The following CLCN5 variants were observed in gnomAD, a reference collection of about 807,000 sequenced individuals.
The protein encoded by CLCN5 is Cl-/H+ antiporter 5.
Under a neutral mutation model 54.0 loss-of-function variants are expected in CLCN5, and 17 were observed. That is an observed-to-expected ratio of 0.31 (90% CI 0.22 to 0.47). CLCN5 has a LOEUF of 0.47. CLCN5 is among the 20% of genes least tolerant of loss of function. The pLI is 1.00. For missense variants in CLCN5, 448 were observed against 646.7 expected, an observed-to-expected ratio of 0.69 and a Z score of 3.33; for synonymous variants, 222 against 233.0, an observed-to-expected ratio of 0.95 and a Z score of 0.43.
chrX:49,935,852 G>C, intron 3 of CLCN5, among the ~76,000 whole-genome samples: 1 of 110,616 alleles, frequency 9.0e-6, no homozygotes, highest in East Asian at 2.9e-4. Context: ...GGCCACACAG[G>C]GTTTTATAGG....
chrX:49,946,394 G>A (rs781935046), intron 3 of CLCN5, among the ~76,000 whole-genome samples: 3 of 111,123 alleles, frequency 2.7e-5, no homozygotes, highest in Non-Finnish European at 3.8e-5. Context: ...CAGGCTCGGG[G>A]TTCTCTTCCA....
chrX:49,969,533 A>G (rs1928095525), intron 3 of CLCN5, among the ~76,000 whole-genome samples: 1 of 112,646 alleles, frequency 8.9e-6, no homozygotes, highest in African/African-American at 3.2e-5. Flanking sequence ...TGGGTTATTA[A>G]GAAGCATGTT....
intron 9 of CLCN5, among the ~76,000 whole-genome samples, chrX:50,083,844 G>A (rs1933796038): frequency 8.9e-6 from 1 of 112,142 alleles, no homozygotes; most frequent in African/African-American, 3.2e-5. Flanking sequence ...AGAGTGAAGT[G>A]GTGATTGTTG....
intron 7 of CLCN5, among the ~76,000 whole-genome samples, chrX:50,078,853 C>T (rs1451571288): frequency 8.9e-6 from 1 of 112,133 alleles, no homozygotes; most frequent in Non-Finnish European, 1.9e-5. Context: ...GACGGAGTCT[C>T]ACTCTGTCAC....
chrX:49,941,920 CTTTTTTTTT>C lies in CLCN5; in HGVS notation c.16+16621_16+16629del, dbSNP rs782574821. On this transcript the variant is annotated intron_variant, in intron 3 of 14. Transcript: ENST00000376091. ...ATGATATATCTTTCTCAATCAGTAT[CTTTTTTTTT>C]TTTTTTTTTTTTTTGCAGGAGAATG... Among the ~76,000 whole-genome samples, 128 of 60,563 alleles carry C rather than the reference CTTTTTTTTT, an allele frequency of 2.1e-3. 1 individual carries two copies. The highest frequency in any genetic ancestry group is 8.2e-3 in the African/African-American group (115 of 14,024). 52.6% of individuals were successfully genotyped at this position (60,563 alleles called of 115,157 possible).
At chrX:50,032,549 C>T (rs1307938167) in intron 3 of CLCN5, among the ~76,000 whole-genome samples, 1 of 107,525 alleles carries the variant, frequency 9.3e-6, no homozygotes, top group Non-Finnish European at 1.9e-5. Flanking sequence ...TGTCCTTTGC[C>T]CACTTTTTGA....
At chrX:49,940,945 A>G (rs1468563915) in intron 3 of CLCN5, among the ~76,000 whole-genome samples, 2 of 111,835 alleles carry the variant, frequency 1.8e-5, no homozygotes, top group African/African-American at 6.5e-5. Flanking sequence ...ATTTCAGAAT[A>G]CTACCCAACC....
chrX:50,090,993 C>A (rs1934079087), intron 14 of CLCN5, 107 bp downstream of exon 14: 1 of 611,027 alleles, frequency 1.6e-6, no homozygotes, highest in Non-Finnish European at 2.6e-6. Flanking sequence ...ATTAGTAGCA[C>A]TTTTAGGACT....
At chrX:49,935,900 C>T (rs1289956218) in intron 3 of CLCN5, among the ~76,000 whole-genome samples, 1 of 110,681 alleles carries the variant, frequency 9.0e-6, no homozygotes, top group Non-Finnish European at 1.9e-5. Flanking sequence ...AACATGAAGG[C>T]CTTGGAGATA....
intron 3 of CLCN5, among the ~76,000 whole-genome samples, chrX:49,930,754 C>T (rs926197301): frequency 1.8e-5 from 2 of 111,371 alleles, no homozygotes; most frequent in African/African-American, 3.3e-5. Flanking sequence ...CTGAGATTAC[C>T]GTATTTTCCA....
At chrX:49,977,967 C>T (rs782577746) in intron 3 of CLCN5, among the ~76,000 whole-genome samples, 5 of 112,045 alleles carry the variant, frequency 4.5e-5, no homozygotes, top group Non-Finnish European at 9.4e-5. Flanking sequence ...CACAGGCAAA[C>T]TGGAGTCAAG....
chrX:49,986,531 T>C (rs1929003670), intron 3 of CLCN5, among the ~76,000 whole-genome samples: 1 of 111,982 alleles, frequency 8.9e-6, no homozygotes, highest in African/African-American at 3.2e-5. Flanking sequence ...TATATAAAGA[T>C]TTATTTGTCT....
chrX:49,955,783 G>T (rs1927283708), intron 3 of CLCN5, among the ~76,000 whole-genome samples: 1 of 111,534 alleles, frequency 9.0e-6, no homozygotes, highest in African/African-American at 3.3e-5. Context: ...TGTTTGAGCT[G>T]GGAGAACTTG....
intron 3 of CLCN5, chrX:50,003,111 A>G (rs1557180768): frequency 2.7e-6 from 1 of 364,330 alleles, no homozygotes; most frequent in Non-Finnish European, 5.5e-6. Context: ...GGCATCTGGG[A>G]TACGCATGCA....
chrX:50,088,354 TG>T (rs1933967204), intron 11 of CLCN5: 1 of 234,875 alleles, frequency 4.3e-6, no homozygotes, highest in African/African-American at 2.8e-5. Flanking sequence ...AATTCAAAAT[TG>T]GTGGAAATGT....
At chrX:50,051,555 CT>C (rs1557188367) in intron 4 of CLCN5, among the ~76,000 whole-genome samples, 1 of 112,067 alleles carries the variant, frequency 8.9e-6, no homozygotes, top group Non-Finnish European at 1.9e-5. Context: ...TGCAAAATGA[CT>C]TGCTTGGGTT....
intron 3 of CLCN5, among the ~76,000 whole-genome samples, chrX:49,953,596 G>A (rs997229662): frequency 4.5e-5 from 5 of 112,019 alleles, no homozygotes; most frequent in African/African-American, 1.6e-4. Context: ...GTGAGCCACC[G>A]TGCCCAGCCT....
At position 49,939,626 on chromosome X, in the gene CLCN5, C is replaced by T. The variant is rs188283660; in HGVS notation, c.16+14312C>T. Among the ~76,000 whole-genome samples, 37 of 109,621 alleles carry T rather than the reference C, an allele frequency of 3.4e-4. No individual in the cohort carries two copies. The East Asian group carries it at 6.4e-3, about 19-fold the overall frequency. On this transcript the variant is annotated intron_variant, in intron 3 of 14. Transcript: ENST00000376091. ...ACGCAGGAAGGGGAACATCACACAC[C>T]GGGGCCTGTCGTGGGGTAGGGGGTA... is the stretch of plus-strand genomic sequence containing the variant.
intron 3 of CLCN5, chrX:50,003,514 T>C: frequency 2.6e-6 from 1 of 382,757 alleles, no homozygotes; most frequent in South Asian, 2.4e-5. Context: ...GCTCCCTCTC[T>C]CACATCCCTT....
Sources: gnomAD v4.1 joint callset for allele counts (sites outside exome capture counted in the v4.1 genomes callset) on GRCh38, gnomAD v4.1.1 for gene constraint, MANE v1.5 for transcripts, NCBI Gene and HGNC (gene_info 2026-07-23, HGNC 2026-07-21) for gene names.